SATB2: variants seen among roughly 807,000 people sequenced by gnomAD.
The protein encoded by SATB2 is DNA-binding protein SATB2.
SATB2 carries 1 observed loss-of-function variant against 73.4 expected under a neutral mutation model. The ratio of observed to expected loss-of-function variants is 0.01; its 90% CI spans 0.00 to 0.06. SATB2 has a LOEUF of 0.06. SATB2 is among the 10% of genes least tolerant of loss of function. The pLI is 1.00. For synonymous variants in SATB2, 397 were observed against 367.0 expected, an observed-to-expected ratio of 1.08 and a Z score of -0.93; for missense variants, 459 against 945.8, an observed-to-expected ratio of 0.49 and a Z score of 6.75.
At chr2:199,395,041 T>A (rs773797052) in intron 3 of SATB2, among the ~76,000 whole-genome samples, 1 of 152,194 alleles carries the variant, frequency 6.6e-6, no homozygotes, top group Non-Finnish European at 1.5e-5. Context: ...GAGAAAAGCA[T>A]GAAAATATTC....
intron 8 of SATB2, among the ~76,000 whole-genome samples, chr2:199,327,816 A>G (rs1688072884): frequency 6.6e-6 from 1 of 152,138 alleles, no homozygotes. Flanking sequence ...CTACCTTTCC[A>G]CCATCATTTT....
Position 199,368,638 on chromosome 2 carries a change from C to A in SATB2, c.667G>T (p.Gly223Trp). 1 of 1,610,268 alleles carries A rather than the reference C, an allele frequency of 6.2e-7. No individual in the cohort carries two copies. Among genetic ancestry groups the A allele is most frequent in the South Asian group, 1.1e-5 (1 of 90,990 alleles). Residue 223 changes from glycine (G) to tryptophan (W), a missense_variant, in exon 6 of 11, where the codon GGG (glycine) becomes TGG (tryptophan). By Grantham distance (184) the Gly-to-Trp change is radical. Transcript: ENST00000417098. ...TTCTTGTACTTTTTATACCATCTCC[C>A]AAACTCCTGGCACTTGGTTGCTGAC... The part of the protein sequence containing the change: ...NVSATKCQEF[G>W]RWYKKYKKIK...
intron 3 of SATB2, among the ~76,000 whole-genome samples, chr2:199,393,586 T>C (rs1690212218): frequency 6.6e-6 from 1 of 152,108 alleles, no homozygotes; most frequent in African/African-American, 2.4e-5. Flanking sequence ...AGTTCTGACA[T>C]TCTAGATCAA....
intron 10 of SATB2, among the ~76,000 whole-genome samples, chr2:199,274,758 G>A (rs1363193859): frequency 6.8e-6 from 1 of 146,692 alleles, no homozygotes; most frequent in East Asian, 2.0e-4. Flanking sequence ...TGGTAAGCTG[G>A]CATCAGCAAA....
At chr2:199,367,204 G>A (rs552565923) in intron 6 of SATB2, among the ~76,000 whole-genome samples, 2 of 152,240 alleles carry the variant, frequency 1.3e-5, no homozygotes, top group African/African-American at 2.4e-5. Flanking sequence ...GCCACACATC[G>A]ATGTCTTATA....
chr2:199,352,849 T>C (rs1688858474), intron 6 of SATB2, among the ~76,000 whole-genome samples: 1 of 152,124 alleles, frequency 6.6e-6, no homozygotes. Context: ...TTTTAAGTGT[T>C]AGCAACTAAT....
intron 10 of SATB2, among the ~76,000 whole-genome samples, chr2:199,298,600 C>T (rs1410134471): frequency 6.6e-6 from 1 of 151,854 alleles, no homozygotes; most frequent in Non-Finnish European, 1.5e-5. Flanking sequence ...TCCAGATCCC[C>T]AGCAGGTAGG....
intron 10 of SATB2, among the ~76,000 whole-genome samples, chr2:199,284,201 A>G (rs1692617228): frequency 6.6e-6 from 1 of 152,218 alleles, no homozygotes; most frequent in Admixed American, 6.5e-5. Flanking sequence ...GATTTAACAA[A>G]TATGTTTGGT....
chr2:199,429,954 T>A (rs1490971873), intron 3 of SATB2, among the ~76,000 whole-genome samples: 2 of 152,180 alleles, frequency 1.3e-5, no homozygotes, highest in Non-Finnish European at 1.5e-5. Flanking sequence ...AATTTTAAAA[T>A]TTATTTTAAA....
At chr2:199,380,866 A>T (rs1689751565) in intron 4 of SATB2, among the ~76,000 whole-genome samples, 1 of 152,146 alleles carries the variant, frequency 6.6e-6, no homozygotes, top group African/African-American at 2.4e-5. Flanking sequence ...CCCCTGTCAG[A>T]TTTGCAGTTG....
chr2:199,313,785 G>A (rs1449826314), intron 9 of SATB2, among the ~76,000 whole-genome samples: 1 of 152,136 alleles, frequency 6.6e-6, no homozygotes, highest in African/African-American at 2.4e-5. Context: ...TTTCATTAAT[G>A]AGTTGCATAA....
intron 7 of SATB2, among the ~76,000 whole-genome samples, chr2:199,346,378 G>T (rs1194744253): frequency 2.0e-5 from 3 of 152,030 alleles, no homozygotes; most frequent in Non-Finnish European, 4.4e-5. Context: ...TCGATCTCTT[G>T]ACCTCGTGAT....
At chr2:199,325,946 G>C (rs1199288519) in intron 8 of SATB2, 1 of 152,152 alleles carries the variant, frequency 6.6e-6, no homozygotes, top group Non-Finnish European at 1.5e-5. Context: ...AATAAAAAGA[G>C]ACTGGAGGTA....
intron 6 of SATB2, among the ~76,000 whole-genome samples, chr2:199,357,756 T>C (rs1436580588): frequency 6.6e-6 from 1 of 152,148 alleles, no homozygotes; most frequent in Non-Finnish European, 1.5e-5. Flanking sequence ...TTATTTTTCT[T>C]GAGGCCAAAG....
At position 199,308,413 on chromosome 2, in the gene SATB2, T is replaced by C. The variant is rs754791905; in HGVS notation, c.1740+347A>G. On this transcript the variant is annotated intron_variant, in intron 10 of 10. Transcript: ENST00000417098. This position sits in a 1 kb window ranked among gnomAD's most constrained non-coding sequence, Gnocchi z 4.6. Reference sequence around the variant, plus strand: ...AGGTTTTTTATAGAAAATGAACTGATGGAAACCATGTTTTCCGATCGAGAG... The same window carrying C: ...AGGTTTTTTATAGAAAATGAACTGACGGAAACCATGTTTTCCGATCGAGAG... Among the ~76,000 whole-genome samples the C allele has an allele frequency of 1.3e-5, 2 of 152,202 alleles. No homozygotes were observed. Among genetic ancestry groups the C allele is most frequent in the Admixed American group, 6.5e-5 (1 of 15,286 alleles).
intron 9 of SATB2, among the ~76,000 whole-genome samples, chr2:199,317,361 T>G (rs1687764333): frequency 6.6e-6 from 1 of 152,052 alleles, no homozygotes. Flanking sequence ...TAACTCGATG[T>G]CCTCTTCCCT....
intron 7 of SATB2, chr2:199,347,399 T>A (rs866294490): frequency 6.6e-6 from 1 of 152,204 alleles, no homozygotes; most frequent in Non-Finnish European, 1.5e-5. Context: ...ATTCCTGCAT[T>A]TTTTAACTCA....
Position 199,417,768 on chromosome 2 carries a change from A to C in SATB2, c.346+15570T>G, listed in dbSNP as rs115908146. 6.2e-3 allele frequency among the ~76,000 whole-genome samples: 941 copies of C among 152,298 alleles called. 3 individuals are homozygous for C. The highest frequency in any genetic ancestry group is 0.011 in the Non-Finnish European group (721 of 68,020). ...GTTTTATTATATTGTCAGCCTGTGTAAATATTTAAGTACTCTGAAGAAAAG... is the reference window on the plus strand; with the variant it reads ...GTTTTATTATATTGTCAGCCTGTGTCAATATTTAAGTACTCTGAAGAAAAG... On this transcript the variant is annotated intron_variant, in intron 3 of 10. Coordinates refer to ENST00000417098, the MANE Select transcript of SATB2 (RefSeq NM_001172509.2).
intron 3 of SATB2, among the ~76,000 whole-genome samples, chr2:199,426,423 G>C (rs951673937): frequency 6.6e-6 from 1 of 151,934 alleles, no homozygotes; most frequent in Admixed American, 6.6e-5. Context: ...ACAGTAGCTG[G>C]GATTACAGGT....
Sources: gnomAD v4.1 joint callset for allele counts (sites outside exome capture counted in the v4.1 genomes callset) on GRCh38, gnomAD v4.1.1 for gene constraint, Gnocchi (gnomAD v3.1) non-coding constraint, MANE v1.5 for transcripts, NCBI Gene and HGNC (gene_info 2026-07-23, HGNC 2026-07-21) for gene names.